Variants in MAMLD1 observed in about 807,000 individuals in gnomAD.
MAMLD1 encodes the protein mastermind like domain containing 1, also known as mastermind-like domain-containing protein 1.
In MAMLD1, 14 loss-of-function variants were observed where a neutral mutation model predicts 45.0. That is an observed-to-expected ratio of 0.31 (90% confidence interval 0.21 to 0.49). MAMLD1 has a LOEUF of 0.49. Among genes scored for constraint, MAMLD1 ranks in the 20% least tolerant of loss-of-function variants. MAMLD1 has a pLI of 0.99. For synonymous variants in MAMLD1, 254 were observed against 247.8 expected, an observed-to-expected ratio of 1.02 and a Z score of -0.24; for missense variants, 543 against 603.6, an observed-to-expected ratio of 0.90 and a Z score of 1.05.
intron 1 of MAMLD1, among the ~76,000 whole-genome samples, chrX:150,424,617 T>G (rs1359703252): frequency 1.8e-5 from 2 of 112,201 alleles, no homozygotes; most frequent in Non-Finnish European, 3.8e-5. Context: ...TAAACATTTT[T>G]CTCCTTCAAA....
intron 1 of MAMLD1, among the ~76,000 whole-genome samples, chrX:150,440,306 A>T (rs1318924072): frequency 9.1e-6 from 1 of 109,362 alleles, no homozygotes; most frequent in Non-Finnish European, 1.9e-5. Flanking sequence ...TATTCATGGG[A>T]AATATTGGTC....
At chrX:150,381,855 A>T (rs2032623631) in intron 1 of MAMLD1, among the ~76,000 whole-genome samples, 1 of 111,459 alleles carries the variant, frequency 9.0e-6, no homozygotes, top group Non-Finnish European at 1.9e-5. Context: ...CCCATTTTCT[A>T]GTTGGATTAT....
At chrX:150,380,128 A>G (rs2032529808) in intron 1 of MAMLD1, among the ~76,000 whole-genome samples, 1 of 112,253 alleles carries the variant, frequency 8.9e-6, no homozygotes, top group Non-Finnish European at 1.9e-5. Context: ...GATTGTACCA[A>G]TTTGCATTCC....
Position 150,471,149 on chromosome X carries a change from A to T in MAMLD1, c.1576A>T (p.Met526Leu). The change falls in exon 4 of 8, where the codon ATG (methionine) becomes TTG (leucine). Residue 526 changes from methionine (M) to leucine (L), a missense_variant. Physicochemically the swap from Met to Leu is conservative, Grantham distance 15. Transcript: ENST00000370401. Reference sequence around the variant, plus strand: ...CCTGAGCATGATCATGCAGCAGGGGATGGCAAGCTCCAGCCCAGGAGCCAC... The same window carrying T: ...CCTGAGCATGATCATGCAGCAGGGGTTGGCAAGCTCCAGCCCAGGAGCCAC... ...KTLSMIMQQGMASSSPGATEP... is the reference protein window; with the variant it reads ...KTLSMIMQQGLASSSPGATEP... The T allele has an allele frequency of 1.7e-6, 2 of 1,211,376 alleles. No homozygotes were observed. Among genetic ancestry groups the T allele is most frequent in the South Asian group, 3.5e-5 (2 of 56,978 alleles).
At chrX:150,462,909 AG>A in intron 3 of MAMLD1, 63 bp downstream of exon 3, 1 of 882,889 alleles carries the variant, frequency 1.1e-6, no homozygotes, top group East Asian at 3.2e-5. Flanking sequence ...TGAGGCCCCG[AG>A]TGTGAAAGGG....
At chrX:150,401,957 C>T (rs1394444084) in intron 1 of MAMLD1, among the ~76,000 whole-genome samples, 3 of 111,251 alleles carry the variant, frequency 2.7e-5, no homozygotes, top group Non-Finnish European at 5.7e-5. Flanking sequence ...AGACCTAAAA[C>T]CATAAAAACC....
intron 1 of MAMLD1, among the ~76,000 whole-genome samples, chrX:150,404,597 T>C (rs1179877338): frequency 9.0e-6 from 1 of 111,638 alleles, no homozygotes; most frequent in Non-Finnish European, 1.9e-5. Context: ...TGATCAGTTT[T>C]GCATATGTGT....
chrX:150,478,081 G>A (rs1049708977), intron 5 of MAMLD1, among the ~76,000 whole-genome samples: 3 of 112,181 alleles, frequency 2.7e-5, no homozygotes, highest in African/African-American at 9.7e-5. Context: ...AACTTCCAAG[G>A]CTACACTAGC....
intron 7 of MAMLD1, among the ~76,000 whole-genome samples, chrX:150,510,871 C>G (rs1245055687): frequency 8.9e-6 from 1 of 111,961 alleles, no homozygotes; most frequent in Non-Finnish European, 1.9e-5. Context: ...CTGATAACAG[C>G]GGAGTCTGTG....
intron 1 of MAMLD1, among the ~76,000 whole-genome samples, chrX:150,375,501 G>C (rs2032269438): frequency 1.8e-5 from 2 of 112,424 alleles, no homozygotes; most frequent in South Asian, 7.4e-4. Flanking sequence ...GAGCTTTTAA[G>C]TCCCTTCCCC....
intron 1 of MAMLD1, among the ~76,000 whole-genome samples, chrX:150,412,495 C>T (rs1322430204): frequency 9.0e-6 from 1 of 110,889 alleles, no homozygotes; most frequent in Non-Finnish European, 1.9e-5. Context: ...CTTTTAGGTG[C>T]TTCTTGCCAG....
At chrX:150,491,556 T>A (rs2037188321) in intron 5 of MAMLD1, among the ~76,000 whole-genome samples, 1 of 112,384 alleles carries the variant, frequency 8.9e-6, no homozygotes, top group African/African-American at 3.2e-5. Flanking sequence ...TATACACTAA[T>A]GACTAGAAGG....
At chrX:150,499,899 C>T (rs1456902234) in intron 5 of MAMLD1, among the ~76,000 whole-genome samples, 1 of 111,686 alleles carries the variant, frequency 9.0e-6, no homozygotes, top group Non-Finnish European at 1.9e-5. Context: ...AGTAGATGTG[C>T]TAAAATGAGA....
chrX:150,398,212 C>A (rs782222767), intron 1 of MAMLD1, among the ~76,000 whole-genome samples: 9 of 96,058 alleles, frequency 9.4e-5, no homozygotes, highest in African/African-American at 3.5e-4. Flanking sequence ...CACTTCATGG[C>A]TTACCACAGA....
In MAMLD1 at chrX:150,512,809, C is replaced by T. The variant is rs1372737669; in HGVS notation, c.*850C>T. On this transcript the variant is annotated 3_prime_UTR_variant, in exon 8 of 8. Coordinates refer to ENST00000370401, the MANE Select transcript of MAMLD1 (RefSeq NM_005491.5). ...CTGCCAGCCAGTTCCCAGGTCCGTT[C>T]GACAGAACGGATATTCCCCCTGAGC... 2 of 1,155,847 alleles carry T rather than the reference C, an allele frequency of 1.7e-6. No homozygotes were observed. Among genetic ancestry groups the T allele is most frequent in the African/African-American group, 1.8e-5 (1 of 56,328 alleles).
At chrX:150,373,720 C>G (rs1032587679) in intron 1 of MAMLD1, among the ~76,000 whole-genome samples, 81 of 111,811 alleles carry the variant, frequency 7.2e-4, no homozygotes, top group African/African-American at 2.1e-3. Flanking sequence ...TCTCACACCC[C>G]CTCTCCACCT....
intron 4 of MAMLD1, 95 bp from the exon 5 acceptor site, chrX:150,473,585 G>A: frequency 4.6e-6 from 4 of 878,479 alleles, no homozygotes; most frequent in Non-Finnish European, 6.7e-6. Flanking sequence ...GGGGAGCGGT[G>A]TGGAGATAGG....
At chrX:150,366,093 A>G (rs2031420610) in intron 1 of MAMLD1, among the ~76,000 whole-genome samples, 1 of 111,890 alleles carries the variant, frequency 8.9e-6, no homozygotes, top group Non-Finnish European at 1.9e-5. Flanking sequence ...AGTGACAAAT[A>G]AGGAAAGTGG....
chrX:150,486,014 C>T (rs2036973223), intron 5 of MAMLD1, among the ~76,000 whole-genome samples: 1 of 111,852 alleles, frequency 8.9e-6, no homozygotes, highest in African/African-American at 3.3e-5. Context: ...TGTTTTCAGT[C>T]CCAATTAGCA....
Sources: allele counts gnomAD v4.1 joint callset (sites outside exome capture counted in the v4.1 genomes callset), GRCh38; gene constraint gnomAD v4.1.1; transcripts MANE v1.5; gene names NCBI Gene and HGNC (gene_info 2026-07-23, HGNC 2026-07-21).